MAPKBP1: variants seen among roughly 807,000 people sequenced by gnomAD.
The protein encoded by MAPKBP1 is mitogen-activated protein kinase binding protein 1.
MAPKBP1 carries 71 observed loss-of-function variants against 170.5 expected under a neutral mutation model. The ratio of observed to expected loss-of-function variants is 0.42; its 90% CI spans 0.34 to 0.51. The LOEUF is 0.51. Among genes scored for constraint, MAPKBP1 ranks in the 20% least tolerant of loss-of-function variants. The pLI is 0.06. For missense variants in MAPKBP1, 1,598 were observed against 1,933.0 expected (o/e 0.83, Z 3.25); for synonymous variants, 719 against 757.9 (o/e 0.95, Z 0.84).
In MAPKBP1 at chr15:41,827,835, A is replaced by G. The variant is rs1332942153; in HGVS notation, c.*2399A>G. On this transcript the variant is annotated 3_prime_UTR_variant, in exon 31 of 31. Coordinates refer to ENST00000457542, the MANE Select transcript of MAPKBP1 (RefSeq NM_014994.3). ...TTTGTACTGATGTATGAACTTGTCA[A>G]TAAACACAATTGTTTGTTAACCCTG... 7 of 401,492 alleles carry G rather than the reference A, an allele frequency of 1.7e-5. No homozygotes were observed. Among genetic ancestry groups the G allele is most frequent in the South Asian group, 5.9e-5 (1 of 16,976 alleles). The allele number at this position is 401,492 out of a possible 1,614,324, so 24.9% of individuals were successfully genotyped here. A position where few individuals can be genotyped will look rare whatever the true frequency, so the allele number is the denominator to read the frequency against.
rs1249585040 is a variant in MAPKBP1, at chr15:41,825,459, G to A, written c.*23G>A. On this transcript the variant is annotated 3_prime_UTR_variant, in exon 31 of 31. Coordinates refer to ENST00000457542, the MANE Select transcript of MAPKBP1 (RefSeq NM_014994.3). ...TGAGTTCTGGAAGCCTGTCCCAAGT[G>A]AATGAATGCTCCAGCGATTCCAAAC... The A allele has an allele frequency of 6.4e-7, 1 of 1,569,790 alleles. No homozygotes were observed. The highest frequency in any genetic ancestry group is 1.4e-5 in the African/African-American group (1 of 74,070).
intron 26 of MAPKBP1, 32 bp downstream of exon 26, chr15:41,822,454 C>G: frequency 6.2e-7 from 1 of 1,608,576 alleles, no homozygotes; most frequent in Non-Finnish European, 8.5e-7. Context: ...TTAGTGCCTG[C>G]AATTTGCCCT....
At chr15:41,781,112 G>A (rs531956240) in intron 2 of MAPKBP1, among the ~76,000 whole-genome samples, 2 of 143,160 alleles carry the variant, frequency 1.4e-5, no homozygotes, top group East Asian at 2.0e-4. Flanking sequence ...GTCTCACTCT[G>A]TCACCTAGGC....
Position 41,823,221 on chromosome 15 carries a change from G to A in MAPKBP1, c.3597G>A (p.Gln1199=). The A allele has an allele frequency of 6.2e-7, 1 of 1,612,662 alleles. No homozygotes were observed. The highest frequency in any genetic ancestry group is 1.1e-5 in the South Asian group (1 of 91,028). The change falls in exon 28 of 31, where the codon CAG becomes CAA. Residue 1199 remains glutamine, a splice_region_variant and synonymous_variant. Coordinates refer to ENST00000457542, the MANE Select transcript of MAPKBP1 (RefSeq NM_014994.3). The part of the protein sequence containing the change: ...KAQSVHSLVP[Q]ERHEASLQAP... The stretch of plus-strand genomic sequence containing the variant: ...AGTCTGTGCACAGTCTGGTGCCACA[G>A]GGTGAGAAGCCTGATGGGTTCAGTG...
intron 2 of MAPKBP1, among the ~76,000 whole-genome samples, chr15:41,777,813 A>G (rs2064122940): frequency 6.6e-6 from 1 of 152,240 alleles, no homozygotes; most frequent in South Asian, 2.1e-4. Context: ...TGATTCATGG[A>G]TAGCTAATTC....
Position 41,819,550 on chromosome 15 carries a change from G to A in MAPKBP1, c.2426-45G>A, listed in dbSNP as rs754656962. Reference sequence around the variant, plus strand: ...CCAGGGCTCCAGGGTTGGGTGGCGGGGGGGGGGCAGGAGACACTTCCTCTG... The same window carrying A: ...CCAGGGCTCCAGGGTTGGGTGGCGGAGGGGGGGCAGGAGACACTTCCTCTG... On this transcript the variant is annotated intron_variant, in intron 21 of 30. Coordinates refer to ENST00000457542, the MANE Select transcript of MAPKBP1 (RefSeq NM_014994.3). 116 of 1,518,524 alleles carry A rather than the reference G, an allele frequency of 7.6e-5. 5 individuals carry two copies. In the Admixed American group the frequency reaches 1.5e-3, roughly 20 times the overall value. 94.1% of individuals were successfully genotyped at this position (1,518,524 alleles called of 1,614,324 possible).
At chr15:41,776,776 G>A (rs913696293) in intron 2 of MAPKBP1, among the ~76,000 whole-genome samples, 2 of 152,166 alleles carry the variant, frequency 1.3e-5, no homozygotes, top group African/African-American at 4.8e-5. Context: ...AATTCTTACT[G>A]TAATTTTGGT....
intron 23 of MAPKBP1, 154 bp from the exon 24 acceptor site, chr15:41,821,430 C>A: frequency 4.3e-6 from 3 of 699,380 alleles, no homozygotes; most frequent in Non-Finnish European, 4.9e-6. Context: ...TGTCCTTCAG[C>A]TTCCCCTTGA....
intron 22 of MAPKBP1, 102 bp downstream of exon 22, chr15:41,819,752 C>CAGACCCCA: frequency 1.7e-6 from 2 of 1,191,804 alleles, no homozygotes; most frequent in Non-Finnish European, 2.4e-6. Context: ...GGCATGGGGT[C>CAGACCCCA]TGCCCACATG....
In MAPKBP1 at chr15:41,820,927, C is replaced by T. The variant is rs370870907; in HGVS notation, c.2577C>T (p.Ser859=). The T allele has an allele frequency of 3.3e-5, 53 of 1,614,054 alleles. 2 individuals are homozygous for T. The highest frequency in any genetic ancestry group is 1.8e-4 in the East Asian group (8 of 44,902). ...GGGTTCAGCCAGGTGTGGAACTGAG[C>T]GTTAGATCCATGCTGGATCTGCGGC... ...GRWVQPGVEL[S]VRSMLDLRQL... Residue 859 remains serine, a synonymous_variant, in exon 23 of 31, where the codon AGC becomes AGT. Transcript: ENST00000457542.
chr15:41,784,731 G>A (rs929467393), intron 2 of MAPKBP1, among the ~76,000 whole-genome samples: 1 of 142,190 alleles, frequency 7.0e-6, no homozygotes, highest in East Asian at 2.1e-4. Flanking sequence ...GCAGTGAGCC[G>A]AGATGGCGCC....
chr15:41,812,472 T>C, intron 6 of MAPKBP1, 44 bp from the exon 7 acceptor site: 1 of 1,612,668 alleles, frequency 6.2e-7, no homozygotes, highest in Non-Finnish European at 8.5e-7. Flanking sequence ...TCTTCTTAGC[T>C]CCAAGAGACA....
chr15:41,819,043 G>T (rs555463018), intron 20 of MAPKBP1, 86 bp downstream of exon 20: 26 of 1,571,904 alleles, frequency 1.7e-5, no homozygotes, highest in Non-Finnish European at 2.3e-5. Context: ...CTTTGGGCCT[G>T]CCATTCAGCA....
intron 3 of MAPKBP1, among the ~76,000 whole-genome samples, chr15:41,801,845 G>C (rs904592224): frequency 3.3e-5 from 5 of 151,874 alleles, no homozygotes; most frequent in African/African-American, 1.2e-4. Context: ...GAGAGACTCT[G>C]TCTTAAAAAA....
chr15:41,783,380 A>G (rs1308384693), intron 2 of MAPKBP1, among the ~76,000 whole-genome samples: 2 of 152,218 alleles, frequency 1.3e-5, no homozygotes, highest in Non-Finnish European at 2.9e-5. Context: ...TCCCATGTCC[A>G]GGCTGACCTG....
chr15:41,795,986 G>A (rs1256311134), intron 2 of MAPKBP1, among the ~76,000 whole-genome samples: 1 of 152,216 alleles, frequency 6.6e-6, no homozygotes, highest in Non-Finnish European at 1.5e-5. Context: ...CTGAAGCAGG[G>A]AGAGCATGTG....
In MAPKBP1 at chr15:41,818,803, A is replaced by G. The variant is rs947225397; in HGVS notation, c.2157-20A>G. 1.1e-5 allele frequency: 17 copies of G among 1,611,754 alleles called. No individual in the cohort carries two copies. The African/African-American group carries it at 1.7e-4, about 16-fold the overall frequency. On this transcript the variant is annotated intron_variant, in intron 19 of 30. Coordinates refer to ENST00000457542, the MANE Select transcript of MAPKBP1 (RefSeq NM_014994.3). The surrounding 1 kb of genome is among the most constrained non-coding windows in gnomAD (Gnocchi z 5.2). ...ATTCTACCTGCCCCTCCTTCAGCCA[A>G]CTGTGTGGCTTTACCCCAGCTGCAT...
chr15:41,803,413 C>CAAAA (rs1166671811), intron 3 of MAPKBP1, among the ~76,000 whole-genome samples: 1 of 11,268 alleles, frequency 8.9e-5, no homozygotes, highest in Non-Finnish European at 1.9e-4. Flanking sequence ...GACTCCATCT[C>CAAAA]AAAAAAAAAA....
intron 3 of MAPKBP1, among the ~76,000 whole-genome samples, chr15:41,805,741 G>A (rs1410539040): frequency 6.6e-6 from 1 of 152,234 alleles, no homozygotes; most frequent in African/African-American, 2.4e-5. Context: ...CACCTGAGCT[G>A]AAGGAACACA....
Sources: gnomAD v4.1 joint callset for allele counts (sites outside exome capture counted in the v4.1 genomes callset) on GRCh38, gnomAD v4.1.1 for gene constraint, Gnocchi (gnomAD v3.1) non-coding constraint, MANE v1.5 for transcripts, NCBI Gene and HGNC (gene_info 2026-07-23, HGNC 2026-07-21) for gene names.